Variants in TPTE2 observed in about 807,000 individuals in gnomAD.
TPTE2 encodes the protein transmembrane phosphoinositide 3-phosphatase and tensin homolog 2.
In TPTE2, 53 loss-of-function variants were observed where a neutral mutation model predicts 78.6. The ratio of observed to expected loss-of-function variants is 0.67; its 90% confidence interval spans 0.54 to 0.85. The LOEUF (loss-of-function observed/expected upper bound fraction) is 0.85. Among genes scored for constraint, TPTE2 ranks in the 40% least tolerant of loss-of-function variants. The probability of loss-of-function intolerance (pLI) is 0.00; values close to 1 mark genes in which losing one functional copy is unlikely to be tolerated. For synonymous variants in TPTE2, 175 were observed against 206.2 expected (o/e 0.85, Z 1.30); for missense variants, 461 against 623.0 (o/e 0.74, Z 2.77).
At chr13:19,502,192 T>G (rs1399222783) in intron 1 of TPTE2, among the ~76,000 whole-genome samples, 5 of 121,056 alleles carry the variant, frequency 4.1e-5, no homozygotes, top group South Asian at 6.4e-4. Flanking sequence ...ACTTTTACAC[T>G]GTTGGTGGGA....
At chr13:19,496,764 C>T (rs1881338568) in intron 1 of TPTE2, among the ~76,000 whole-genome samples, 1 of 152,172 alleles carries the variant, frequency 6.6e-6, no homozygotes, top group African/African-American at 2.4e-5. Flanking sequence ...AAATCTGAGT[C>T]CTTTAAGAAG....
At chr13:19,504,091 G>A (rs1868826958), upstream of TPTE2, among the ~76,000 whole-genome samples, 1 of 151,988 alleles carries the variant, frequency 6.6e-6, no homozygotes, top group African/African-American at 2.4e-5. Context: ...CCACTCCAGG[G>A]TACTGATTTG....
chr13:19,519,495 T>C (rs761481952), intron 1 of TPTE2, among the ~76,000 whole-genome samples: 2 of 152,216 alleles, frequency 1.3e-5, no homozygotes, highest in Non-Finnish European at 1.5e-5. Context: ...TTCATTTGTA[T>C]GTGGAGATCC....
At chr13:19,528,229 T>A (rs1011635408) in intron 1 of TPTE2, among the ~76,000 whole-genome samples, 2 of 138,740 alleles carry the variant, frequency 1.4e-5, no homozygotes, top group African/African-American at 2.6e-5. Flanking sequence ...TAAAAAAAAA[T>A]ATAAAAAATT....
At chr13:19,501,934 C>A (rs1475328576) in intron 1 of TPTE2, among the ~76,000 whole-genome samples, 1 of 150,962 alleles carries the variant, frequency 6.6e-6, no homozygotes, top group Non-Finnish European at 1.5e-5. Context: ...CTACAATGAA[C>A]TCAAACAAAT....
chr13:19,551,984 C>T, the TPTE2 span, among the ~76,000 whole-genome samples: 2 of 152,128 alleles, frequency 1.3e-5, no homozygotes, highest in African/African-American at 4.8e-5. Context: ...CATAGTAATA[C>T]TGTTTTCCTT....
intron 17 of TPTE2, among the ~76,000 whole-genome samples, chr13:19,427,079 C>CTTTTTTTTTTTTTTTTT (rs55904352): frequency 5.9e-5 from 4 of 67,292 alleles, no homozygotes; most frequent in African/African-American, 1.3e-4. Context: ...CTTTTCTTTT[C>CTTTTTTTTTTTTTTTTT]TTTTTTTTTT....
chr13:19,557,061 G>GT, the TPTE2 span, among the ~76,000 whole-genome samples: 13 of 152,192 alleles, frequency 8.5e-5, no homozygotes, highest in African/African-American at 2.4e-4. Flanking sequence ...ACTTCAGTAA[G>GT]TTTTTTTATA....
chr13:19,479,377 A>C (rs1482897464), intron 4 of TPTE2, among the ~76,000 whole-genome samples: 1 of 152,190 alleles, frequency 6.6e-6, no homozygotes, highest in African/African-American at 2.4e-5. Flanking sequence ...TATGTTTTCT[A>C]AGCATTTAAA....
chr13:19,560,823 T>C, the TPTE2 span: 7 of 1,527,982 alleles, frequency 4.6e-6, no homozygotes, highest in Non-Finnish European at 5.3e-6. Flanking sequence ...CCGGACGCGG[T>C]CCAGGCGCGC....
intron 10 of TPTE2, among the ~76,000 whole-genome samples, chr13:19,461,619 T>C (rs543133162): frequency 1.5e-4 from 23 of 152,322 alleles, no homozygotes; most frequent in Admixed American, 1.4e-3. Flanking sequence ...CAACTGTTAT[T>C]GCATTGGAGT....
chr13:19,438,480 C>G (rs577006842), intron 13 of TPTE2: 1 of 972,424 alleles, frequency 1.0e-6, no homozygotes, highest in South Asian at 4.8e-5. Context: ...AAGAAAAATT[C>G]CCACCTCATT....
chr13:19,484,636 C>T (rs1403102023), intron 3 of TPTE2, among the ~76,000 whole-genome samples: 3 of 152,096 alleles, frequency 2.0e-5, no homozygotes, highest in Non-Finnish European at 4.4e-5. Context: ...CTTTATATAT[C>T]TAGGTGCTCT....
chr13:19,545,704 C>T, the TPTE2 span, among the ~76,000 whole-genome samples: 1 of 152,174 alleles, frequency 6.6e-6, no homozygotes, highest in African/African-American at 2.4e-5. Context: ...TAACTAGTCC[C>T]GTCCATTCAT....
intron 10 of TPTE2, among the ~76,000 whole-genome samples, chr13:19,462,844 G>A (rs758720473): frequency 2.7e-5 from 4 of 150,464 alleles, no homozygotes; most frequent in Non-Finnish European, 4.4e-5. Flanking sequence ...TGCACCTGAC[G>A]AATATTCCCT....
At chr13:19,456,023 G>A (rs1347247741) in intron 10 of TPTE2, among the ~76,000 whole-genome samples, 1 of 152,010 alleles carries the variant, frequency 6.6e-6, no homozygotes, top group Non-Finnish European at 1.5e-5. Context: ...CAATATTACC[G>A]TGAAAGTCCT....
intron 1 of TPTE2, among the ~76,000 whole-genome samples, chr13:19,498,866 G>A (rs908458378): frequency 2.6e-5 from 4 of 152,164 alleles, no homozygotes; most frequent in Non-Finnish European, 4.4e-5. Flanking sequence ...ATTGGATAAA[G>A]AGTCAAGACC....
upstream of TPTE2, among the ~76,000 whole-genome samples, chr13:19,538,411 A>G (rs916903146): frequency 2.6e-5 from 4 of 151,994 alleles, no homozygotes; most frequent in African/African-American, 9.7e-5. Context: ...TAGTAGAGAC[A>G]GGGTTTCACC....
At chr13:19,528,358 G>C (rs551436043) in intron 1 of TPTE2, among the ~76,000 whole-genome samples, 1 of 150,786 alleles carries the variant, frequency 6.6e-6, no homozygotes, top group Non-Finnish European at 1.5e-5. Context: ...CTGCACTCCA[G>C]CCTAGGCAAC....
Sources: allele counts gnomAD v4.1 joint callset (sites outside exome capture counted in the v4.1 genomes callset), GRCh38; gene constraint gnomAD v4.1.1; transcripts MANE v1.5; gene names NCBI Gene and HGNC (gene_info 2026-07-23, HGNC 2026-07-21).